The following MARCHF8 variants were observed in gnomAD, a reference collection of about 807,000 sequenced individuals.
The protein encoded by MARCHF8 is membrane associated ring-CH-type finger 8, also known as E3 ubiquitin-protein ligase MARCHF8.
In MARCHF8, 40 loss-of-function variants were observed where a neutral mutation model predicts 51.6. That is an observed-to-expected ratio of 0.77 (90% CI 0.60 to 1.01). MARCHF8 has a LOEUF of 1.01. Ranked by LOEUF, MARCHF8 falls within the 50% of genes least tolerant of loss-of-function variation. The pLI is 0.00. For missense variants in MARCHF8, 685 were observed against 708.6 expected, an observed-to-expected ratio of 0.97 and a Z score of 0.38; for synonymous variants, 263 against 280.3, an observed-to-expected ratio of 0.94 and a Z score of 0.62.
In MARCHF8 at chr10:45,520,556, G is replaced by A. The variant is rs151302033; in HGVS notation, c.102+12554C>T. On this transcript the variant is annotated intron_variant, in intron 2 of 7. Coordinates refer to ENST00000453424, the MANE Select transcript of MARCHF8 (RefSeq NM_001282866.2). ...TCAGTCTTGAGAGTTAGAATGGGAC[G>A]AGGGTCTAAAACAGGTGACAAGTAC... Among the ~76,000 whole-genome samples the A allele has an allele frequency of 4.3e-3, 660 of 152,304 alleles. 5 individuals are homozygous for A. Among genetic ancestry groups the A allele is most frequent in the Non-Finnish European group, 6.4e-3 (434 of 68,036 alleles).
intron 3 of MARCHF8, among the ~76,000 whole-genome samples, chr10:45,469,127 T>C (rs1026318831): frequency 4.6e-5 from 7 of 151,462 alleles, no homozygotes; most frequent in African/African-American, 1.7e-4. Context: ...ATGGGAAAAG[T>C]TCTCATTATG....
chr10:45,499,904 T>C (rs138696215), intron 2 of MARCHF8, among the ~76,000 whole-genome samples: 233 of 152,316 alleles, frequency 1.5e-3, no homozygotes, highest in African/African-American at 5.1e-3. Flanking sequence ...CAAATTGTTC[T>C]GGCTATTCAG....
intron 1 of MARCHF8, among the ~76,000 whole-genome samples, chr10:45,566,024 C>A (rs1374333262): frequency 2.0e-5 from 3 of 152,184 alleles, no homozygotes; most frequent in African/African-American, 7.2e-5. Flanking sequence ...CTTGGGATCA[C>A]CAGGTGGCAC....
chr10:45,535,579 T>C (rs2043960450), upstream of MARCHF8, among the ~76,000 whole-genome samples: 1 of 152,224 alleles, frequency 6.6e-6, no homozygotes, highest in Non-Finnish European at 1.5e-5. Context: ...GCAACAGACC[T>C]ATAAGTTTGC....
chr10:45,579,622 G>T (rs1477145646), intron 1 of MARCHF8, among the ~76,000 whole-genome samples: 1 of 152,060 alleles, frequency 6.6e-6, no homozygotes, highest in Non-Finnish European at 1.5e-5. Flanking sequence ...ACATTGGCAA[G>T]GATGTCCTAA....
chr10:45,551,872 C>A (rs1373003575), intron 1 of MARCHF8, among the ~76,000 whole-genome samples: 1 of 151,552 alleles, frequency 6.6e-6, no homozygotes, highest in East Asian at 1.9e-4. Flanking sequence ...CACAGACACA[C>A]ACACCCTATT....
chr10:45,468,973 T>A (rs79594810), intron 3 of MARCHF8, among the ~76,000 whole-genome samples: 1 of 152,218 alleles, frequency 6.6e-6, no homozygotes, highest in Non-Finnish European at 1.5e-5. Context: ...TAGGAATTCA[T>A]CCTCACACAC....
intron 2 of MARCHF8, among the ~76,000 whole-genome samples, chr10:45,492,428 G>T (rs2043099632): frequency 6.6e-6 from 1 of 151,992 alleles, no homozygotes; most frequent in African/African-American, 2.4e-5. Context: ...CTCCCAAGTA[G>T]CTGGGACTAC....
chr10:45,554,783 G>A (rs1243528280), intron 1 of MARCHF8, among the ~76,000 whole-genome samples: 1 of 152,142 alleles, frequency 6.6e-6, no homozygotes. Context: ...GGCCGGGCGT[G>A]GTTGCCCACA....
At chr10:45,514,777 C>A (rs576241742) in intron 2 of MARCHF8, among the ~76,000 whole-genome samples, 1 of 152,134 alleles carries the variant, frequency 6.6e-6, no homozygotes, top group East Asian at 1.9e-4. Context: ...AACCTGTCAC[C>A]CAGACTTACT....
At chr10:45,484,275 C>A (rs1180509210) in intron 3 of MARCHF8, among the ~76,000 whole-genome samples, 1 of 152,146 alleles carries the variant, frequency 6.6e-6, no homozygotes, top group Admixed American at 6.5e-5. Flanking sequence ...AATGATTAAG[C>A]AAACAGCAGC....
intron 3 of MARCHF8, among the ~76,000 whole-genome samples, chr10:45,479,794 G>A (rs2042852896): frequency 6.6e-6 from 1 of 152,162 alleles, no homozygotes; most frequent in South Asian, 2.1e-4. Context: ...GTCTTTATCA[G>A]CAGTGTGAAA....
chr10:45,530,924 G>C (rs1248366027), intron 2 of MARCHF8, among the ~76,000 whole-genome samples: 2 of 152,220 alleles, frequency 1.3e-5, no homozygotes, highest in African/African-American at 4.8e-5. Context: ...TAAAAAAGTT[G>C]CATAGAGACA....
chr10:45,562,997 TAC>T (rs2044327457), intron 1 of MARCHF8, among the ~76,000 whole-genome samples: 1 of 151,440 alleles, frequency 6.6e-6, no homozygotes, highest in Non-Finnish European at 1.5e-5. Context: ...CCCACATATA[TAC>T]AGTCTCTCTC....
At chr10:45,471,529 C>A (rs1413275113) in intron 3 of MARCHF8, among the ~76,000 whole-genome samples, 1 of 152,220 alleles carries the variant, frequency 6.6e-6, no homozygotes, top group Non-Finnish European at 1.5e-5. Flanking sequence ...TTATCACTCA[C>A]AAGGACCCTT....
At chr10:45,534,256 T>C (rs1265030170) in intron 1 of MARCHF8, among the ~76,000 whole-genome samples, 2 of 147,704 alleles carry the variant, frequency 1.4e-5, no homozygotes, top group Non-Finnish European at 3.0e-5. Flanking sequence ...TAAAACTTTA[T>C]TTACAAAAAT....
At chr10:45,547,484 A>G (rs12779976) in intron 1 of MARCHF8, among the ~76,000 whole-genome samples, 9,388 of 152,234 alleles carry the variant, frequency 0.062, 330 homozygotes, top group Non-Finnish European at 0.067. Flanking sequence ...GACCATAATT[A>G]TCCCTGACTA....
chr10:45,496,230 A>G (rs936688132), intron 2 of MARCHF8, among the ~76,000 whole-genome samples: 2 of 152,220 alleles, frequency 1.3e-5, no homozygotes, highest in African/African-American at 4.8e-5. Flanking sequence ...GTAACTGTGT[A>G]ACTATAAGAC....
At chr10:45,483,784 T>TATGTTAAGTCAAATA (rs71023116) in intron 3 of MARCHF8, among the ~76,000 whole-genome samples, 10 of 152,158 alleles carry the variant, frequency 6.6e-5, no homozygotes, top group African/African-American at 1.7e-4. Flanking sequence ...TGGAGGTCAT[T>TATGTTAAGTCAAATA]AGCCAGACAC....
Sources: gnomAD v4.1 joint callset for allele counts (sites outside exome capture counted in the v4.1 genomes callset) on GRCh38, gnomAD v4.1.1 for gene constraint, MANE v1.5 for transcripts, NCBI Gene and HGNC (gene_info 2026-07-23, HGNC 2026-07-21) for gene names.